Variants in DOCK2 observed in about 807,000 individuals in gnomAD.
The protein encoded by DOCK2 is dedicator of cytokinesis 2.
A neutral mutation model predicts 248.9 loss-of-function variants in DOCK2; 87 were observed. The observed-to-expected ratio is 0.35, with a 90% CI of 0.29 to 0.42. DOCK2 has a LOEUF of 0.42. Among genes scored for constraint, DOCK2 ranks in the 10% least tolerant of loss-of-function variants. The probability of loss-of-function intolerance (pLI) is 1.00; values close to 1 mark genes in which losing one functional copy is unlikely to be tolerated. For missense variants in DOCK2, 1,747 were observed against 2,300.2 expected, an observed-to-expected ratio of 0.76 and a Z score of 4.92; for synonymous variants, 805 against 821.6, an observed-to-expected ratio of 0.98 and a Z score of 0.35.
chr5:169,995,697 T>C (rs1302683672), intron 29 of DOCK2, among the ~76,000 whole-genome samples: 1 of 152,230 alleles, frequency 6.6e-6, no homozygotes, highest in Non-Finnish European at 1.5e-5. Context: ...TGAAATTATG[T>C]TCATCAAAAC....
rs1348156653 is a variant in DOCK2, at chr5:169,699,472, A to G, written c.1132+14A>G. 2 of 1,609,756 alleles carry G rather than the reference A, an allele frequency of 1.2e-6. No individual in the cohort carries two copies. The highest frequency in any genetic ancestry group is 1.7e-6 in the Non-Finnish European group (2 of 1,177,562). ...GTGGAGGGCAAGGTAAAGTGCCAATATGCCAGTGGGCTGAGCCTGCTCCAG... is the reference window on the plus strand; with the variant it reads ...GTGGAGGGCAAGGTAAAGTGCCAATGTGCCAGTGGGCTGAGCCTGCTCCAG... On this transcript the variant is annotated intron_variant, in intron 12 of 51. Transcript: ENST00000520908.
intron 27 of DOCK2, among the ~76,000 whole-genome samples, chr5:169,894,946 C>T (rs779658432): frequency 6.6e-6 from 1 of 152,146 alleles, no homozygotes; most frequent in African/African-American, 2.4e-5. Flanking sequence ...TGTTGTGGCC[C>T]CCCGTGAGGT....
chr5:170,008,156 T>C (rs1305593611), intron 30 of DOCK2, among the ~76,000 whole-genome samples: 1 of 150,532 alleles, frequency 6.6e-6, no homozygotes, highest in Non-Finnish European at 1.5e-5. Flanking sequence ...TAGGGCAAAT[T>C]ATTTGTCTTT....
intron 2 of DOCK2, 28 bp downstream of exon 2, chr5:169,654,514 C>G: frequency 1.2e-6 from 2 of 1,612,510 alleles, no homozygotes; most frequent in Non-Finnish European, 1.7e-6. Context: ...GCCCCAAGTG[C>G]TGGACCCTTG....
chr5:169,847,130 A>G (rs1324472604), intron 27 of DOCK2, among the ~76,000 whole-genome samples: 3 of 152,186 alleles, frequency 2.0e-5, no homozygotes, highest in African/African-American at 7.2e-5. Context: ...CATGTTGGCA[A>G]TTGCGATTTG....
At chr5:169,901,546 G>A (rs149616049) in intron 27 of DOCK2, among the ~76,000 whole-genome samples, 7 of 152,286 alleles carry the variant, frequency 4.6e-5, no homozygotes, top group African/African-American at 1.7e-4. Flanking sequence ...AAAAGTGGAA[G>A]CAGGATGAAC....
chr5:169,901,053 T>C (rs1278551175), intron 27 of DOCK2, among the ~76,000 whole-genome samples: 1 of 152,126 alleles, frequency 6.6e-6, no homozygotes, highest in Non-Finnish European at 1.5e-5. Context: ...GTGCTAGATG[T>C]TGTGACCAAA....
intron 50 of DOCK2, 179 bp downstream of exon 50, chr5:170,080,462 G>A: frequency 2.1e-6 from 2 of 942,116 alleles, no homozygotes; most frequent in Non-Finnish European, 3.1e-6. Context: ...CCACTTCCTG[G>A]GGGTGACACC....
chr5:169,988,365 A>G (rs1325124503), intron 29 of DOCK2, among the ~76,000 whole-genome samples: 1 of 152,196 alleles, frequency 6.6e-6, no homozygotes, highest in Non-Finnish European at 1.5e-5. Flanking sequence ...ATGTAGAACA[A>G]CTATAATCCA....
chr5:169,878,055 T>C (rs1197723176), intron 27 of DOCK2, among the ~76,000 whole-genome samples: 1 of 152,204 alleles, frequency 6.6e-6, no homozygotes, highest in African/African-American at 2.4e-5. Flanking sequence ...AGAAAAGAAA[T>C]GCGTGATCTC....
intron 25 of DOCK2, among the ~76,000 whole-genome samples, chr5:169,788,528 G>A (rs754828338): frequency 1.2e-4 from 18 of 152,052 alleles, no homozygotes; most frequent in Non-Finnish European, 2.2e-4. Context: ...TAAGAATTTC[G>A]TGCCAGAAAA....
At position 169,898,271 on chromosome 5, in the gene DOCK2, G is replaced by A. The variant is rs923089481; in HGVS notation, c.2799+57419G>A. Among the ~76,000 whole-genome samples the A allele has an allele frequency of 1.5e-4, 23 of 152,176 alleles. No individual in the cohort carries two copies. In the South Asian group the frequency reaches 2.7e-3, roughly 18 times the overall value. ...CTGCCATGGTCTCCTTTCTCATGGG[G>A]GCTCCGCTTGGGAAGGGCCATATAT... On this transcript the variant is annotated intron_variant, in intron 27 of 51. Transcript: ENST00000520908.
chr5:169,979,730 C>T (rs1322343515), intron 27 of DOCK2, among the ~76,000 whole-genome samples: 1 of 152,158 alleles, frequency 6.6e-6, no homozygotes, highest in East Asian at 1.9e-4. Context: ...ACAAATCGTA[C>T]CAAAAGGCAC....
intron 25 of DOCK2, among the ~76,000 whole-genome samples, chr5:169,762,698 G>A (rs537659070): frequency 1.8e-3 from 276 of 152,300 alleles, no homozygotes; most frequent in African/African-American, 6.0e-3. Flanking sequence ...TGACTTTTCA[G>A]GGTCAGTACT....
At chr5:169,955,345 A>C (rs1198285930) in intron 27 of DOCK2, among the ~76,000 whole-genome samples, 4 of 152,124 alleles carry the variant, frequency 2.6e-5, no homozygotes, top group Non-Finnish European at 5.9e-5. Flanking sequence ...ACACTTACTG[A>C]GCACCTACTG....
At chr5:169,883,611 T>C in intron 27 of DOCK2, 1 of 1,551,620 alleles carries the variant, frequency 6.4e-7, no homozygotes, top group Non-Finnish European at 8.7e-7. Context: ...AAGTTTGGAT[T>C]GCAATGTTGC....
At chr5:169,788,339 C>A (rs1346771013) in intron 25 of DOCK2, among the ~76,000 whole-genome samples, 1 of 146,232 alleles carries the variant, frequency 6.8e-6, no homozygotes, top group African/African-American at 2.7e-5. Flanking sequence ...ATGAAACCTC[C>A]TCCCTTTATT....
chr5:169,738,466 AT>A (rs1763153706), intron 22 of DOCK2, among the ~76,000 whole-genome samples: 1 of 152,206 alleles, frequency 6.6e-6, no homozygotes, highest in African/African-American at 2.4e-5. Context: ...CTTTCAAGCA[AT>A]TCAAGATAGT....
chr5:170,069,049 C>T (rs1215048883), intron 45 of DOCK2, 88 bp from the exon 46 acceptor site: 4 of 1,230,704 alleles, frequency 3.3e-6, no homozygotes, highest in Non-Finnish European at 4.7e-6. Flanking sequence ...TTGCCCCTTT[C>T]AAATTGAATC....
Sources: allele counts gnomAD v4.1 joint callset (sites outside exome capture counted in the v4.1 genomes callset), GRCh38; gene constraint gnomAD v4.1.1; transcripts MANE v1.5; gene names NCBI Gene and HGNC (gene_info 2026-07-23, HGNC 2026-07-21).